CSMD1: variants seen among roughly 807,000 people sequenced by gnomAD.
CSMD1 encodes the protein CUB and Sushi multiple domains 1.
A neutral mutation model predicts 417.5 loss-of-function variants in CSMD1; 213 were observed. The observed-to-expected ratio is 0.51, with a 90% CI of 0.46 to 0.57. The LOEUF is 0.57. Ranked by LOEUF, CSMD1 falls within the 20% of genes least tolerant of loss-of-function variation. CSMD1 has a pLI of 0.00. For synonymous variants in CSMD1, 2,862 were observed against 1,736.8 expected (o/e 1.65, Z -16.11); for missense variants, 6,923 against 4,529.7 (o/e 1.53, Z -15.17).
chr8:4,891,536 A>C (rs541950548), intron 1 of CSMD1, among the ~76,000 whole-genome samples: 1 of 152,234 alleles, frequency 6.6e-6, no homozygotes, highest in East Asian at 1.9e-4. Context: ...ATATTTTTAT[A>C]GGGAGTTTGC....
chr8:3,823,600 C>G (rs1356297410), intron 5 of CSMD1, among the ~76,000 whole-genome samples: 1 of 152,020 alleles, frequency 6.6e-6, no homozygotes, highest in East Asian at 1.9e-4. Flanking sequence ...AACCATTCAA[C>G]TTATGCTTGA....
At chr8:3,593,938 G>A (rs1175410317) in intron 8 of CSMD1, among the ~76,000 whole-genome samples, 1 of 151,990 alleles carries the variant, frequency 6.6e-6, no homozygotes, top group Non-Finnish European at 1.5e-5. Context: ...AGTTATATGG[G>A]GAGTTTCCTG....
intron 5 of CSMD1, among the ~76,000 whole-genome samples, chr8:3,966,756 CG>C (rs1812702548): frequency 3.3e-5 from 1 of 29,974 alleles, no homozygotes; most frequent in African/African-American, 1.4e-4. Context: ...CACACACACG[CG>C]CGCGCGCGCA....
chr8:3,826,887 A>T (rs745351435), intron 5 of CSMD1, among the ~76,000 whole-genome samples: 1 of 152,078 alleles, frequency 6.6e-6, no homozygotes, highest in Non-Finnish European at 1.5e-5. Flanking sequence ...CCTGAGTTCA[A>T]CCCATTCTCC....
At chr8:4,374,693 A>C (rs902694021) in intron 3 of CSMD1, among the ~76,000 whole-genome samples, 10 of 152,084 alleles carry the variant, frequency 6.6e-5, no homozygotes, top group Admixed American at 2.0e-4. Flanking sequence ...GCATTTAGGA[A>C]AATAAGCAGC....
intron 2 of CSMD1, among the ~76,000 whole-genome samples, chr8:4,479,965 C>CAAA (rs34081481): frequency 2.8e-5 from 3 of 107,852 alleles, no homozygotes; most frequent in African/African-American, 9.9e-5. Context: ...GTCTCTGTCT[C>CAAA]AAAAAAAAAA....
At chr8:4,674,305 G>C (rs761557379) in intron 1 of CSMD1, among the ~76,000 whole-genome samples, 1 of 152,060 alleles carries the variant, frequency 6.6e-6, no homozygotes, top group Non-Finnish European at 1.5e-5. Flanking sequence ...GGATGGACCT[G>C]GATTGAGGCT....
intron 12 of CSMD1, among the ~76,000 whole-genome samples, chr8:3,444,567 G>A (rs1024192819): frequency 2.6e-5 from 4 of 152,140 alleles, no homozygotes; most frequent in Non-Finnish European, 4.4e-5. Context: ...GGGTGAGGAT[G>A]CTACTGGTAT....
chr8:3,874,019 C>T (rs1805653681), intron 5 of CSMD1, among the ~76,000 whole-genome samples: 1 of 152,214 alleles, frequency 6.6e-6, no homozygotes, highest in African/African-American at 2.4e-5. Context: ...TAGAACTTCT[C>T]TGTCAAATTA....
At chr8:4,932,317 C>G (rs1378978024) in intron 1 of CSMD1, among the ~76,000 whole-genome samples, 1 of 142,052 alleles carries the variant, frequency 7.0e-6, no homozygotes, top group Non-Finnish European at 1.5e-5. Flanking sequence ...TACCAAGTAA[C>G]TACACACTTG....
chr8:3,563,441 G>GAAAAAAAAAAAAAAAA (rs1443401946), intron 10 of CSMD1, among the ~76,000 whole-genome samples: 1 of 62,200 alleles, frequency 1.6e-5, no homozygotes. Context: ...GTATTAAAAG[G>GAAAAAAAAAAAAAAAA]TAAAAAAAAA....
At chr8:3,095,755 T>C (rs1021510387) in intron 47 of CSMD1, among the ~76,000 whole-genome samples, 2 of 152,196 alleles carry the variant, frequency 1.3e-5, no homozygotes, top group African/African-American at 4.8e-5. Flanking sequence ...TTGTAACTGG[T>C]CTAATTTTCT....
intron 1 of CSMD1, among the ~76,000 whole-genome samples, chr8:4,930,392 TATACAC>T (rs1205450134): frequency 6.6e-6 from 1 of 152,146 alleles, no homozygotes; most frequent in Non-Finnish European, 1.5e-5. Context: ...CGCATATATA[TATACAC>T]ATATACATGC....
intron 1 of CSMD1, among the ~76,000 whole-genome samples, chr8:4,822,084 G>A (rs538515503): frequency 2.6e-3 from 399 of 151,996 alleles, no homozygotes; most frequent in African/African-American, 9.4e-3. Context: ...TTCGGGTTCA[G>A]TAAAAAAATT....
intron 5 of CSMD1, among the ~76,000 whole-genome samples, chr8:3,893,606 T>C (rs899563340): frequency 7.9e-5 from 12 of 151,908 alleles, no homozygotes; most frequent in Admixed American, 3.3e-4. Context: ...ATCTCCACCA[T>C]TAGAATCTAC....
intron 1 of CSMD1, among the ~76,000 whole-genome samples, chr8:4,912,135 A>AAAAAAAAAAAAAAG (rs765904838): frequency 0.09 from 10,034 of 111,756 alleles, 435 homozygotes; most frequent in Non-Finnish European, 0.13. Context: ...AAAAAAAAAA[A>AAAAAAAAAAAAAAG]AAAAAAGAAA....
chr8:4,524,320 C>A (rs923971075), intron 2 of CSMD1, among the ~76,000 whole-genome samples: 1 of 150,886 alleles, frequency 6.6e-6, no homozygotes, highest in Admixed American at 6.6e-5. Context: ...TAAAAAGGTA[C>A]TATTCTACTG....
At chr8:3,331,757 C>T (rs944744699) in intron 23 of CSMD1, among the ~76,000 whole-genome samples, 4 of 152,178 alleles carry the variant, frequency 2.6e-5, no homozygotes, top group Non-Finnish European at 5.9e-5. Flanking sequence ...ACCTTCAGGG[C>T]TTCATGCCAG....
chr8:3,555,907 T>C (rs1471497982), intron 10 of CSMD1, among the ~76,000 whole-genome samples: 1 of 152,170 alleles, frequency 6.6e-6, no homozygotes, highest in East Asian at 1.9e-4. Flanking sequence ...CAGTCAAATG[T>C]GATATTAAAA....
Sources: gnomAD v4.1 joint callset for allele counts (sites outside exome capture counted in the v4.1 genomes callset) on GRCh38, gnomAD v4.1.1 for gene constraint, MANE v1.5 for transcripts, NCBI Gene and HGNC (gene_info 2026-07-23, HGNC 2026-07-21) for gene names.